Variants in CREB3L1 observed in about 807,000 individuals in gnomAD.
CREB3L1 encodes the protein cyclic AMP-responsive element-binding protein 3-like protein 1.
Under a neutral mutation model 54.5 loss-of-function variants are expected in CREB3L1, and 33 were observed. The observed-to-expected ratio is 0.61, with a 90% CI of 0.46 to 0.81. The LOEUF is 0.81. CREB3L1 is among the 30% of genes least tolerant of loss of function. The pLI, the probability that CREB3L1 is intolerant of heterozygous loss-of-function variation, is 0.00. For missense variants in CREB3L1, 656 were observed against 673.3 expected (o/e 0.97, Z 0.29); for synonymous variants, 284 against 286.4 (o/e 0.99, Z 0.08).
At chr11:46,301,662 CA>C (rs11293461) in intron 2 of CREB3L1, among the ~76,000 whole-genome samples, 30,966 of 138,880 alleles carry the variant, frequency 0.22, 3,304 homozygotes, top group African/African-American at 0.3. Flanking sequence ...GACTCCGTCC[CA>C]AAAAAAAAAA....
intron 8 of CREB3L1, chr11:46,316,025 C>A: frequency 2.5e-6 from 1 of 402,482 alleles, no homozygotes; most frequent in Non-Finnish European, 4.5e-6. Flanking sequence ...GCAGGCCTTC[C>A]CTCCTCCAAC....
intron 1 of CREB3L1, among the ~76,000 whole-genome samples, chr11:46,287,113 C>T (rs1189144893): frequency 6.6e-6 from 1 of 152,204 alleles, no homozygotes; most frequent in Admixed American, 6.5e-5. Context: ...GGGCCTCCCA[C>T]TTGTCACCTG....
intron 10 of CREB3L1, 25 bp from the exon 11 acceptor site, chr11:46,320,239 C>T (rs756675759): frequency 7.7e-6 from 12 of 1,558,078 alleles, no homozygotes; most frequent in African/African-American, 6.8e-5. Flanking sequence ...TTGGGCACAC[C>T]GCTCATCCTA....
In CREB3L1 at chr11:46,320,921, G is replaced by T; in HGVS notation, c.*175G>T. 1 of 742,218 alleles carries T rather than the reference G, an allele frequency of 1.3e-6. No individual in the cohort carries two copies. The highest frequency in any genetic ancestry group is 1.5e-5 in the South Asian group (1 of 67,550). 46.0% of individuals were successfully genotyped at this position (742,218 alleles called of 1,614,324 possible). On this transcript the variant is annotated 3_prime_UTR_variant, in exon 12 of 12. Coordinates refer to ENST00000621158, the MANE Select transcript of CREB3L1 (RefSeq NM_052854.4). ...GACATTTGGACTCTTCCCTTGGGCC[G>T]ACCACTCTGTTCTCATTCTCCTTCC... is the stretch of plus-strand genomic sequence containing the variant.
Position 46,307,819 on chromosome 11 carries a change from C to A in CREB3L1, c.335C>A (p.Ala112Glu). ...TGAGCCTTTCCCCTTCCCCTAGATG[C>A]AGAGCATGGAGCATGGGCGCTGGGA... ...PIKMEDTTQD[A>E]EHGAWALGHK... The change falls in exon 3 of 12, where the codon GCA (alanine) becomes GAA (glutamate). Residue 112 changes from alanine to glutamate, a missense_variant. Physicochemically the swap from Ala to Glu is moderately radical, Grantham distance 107 (BLOSUM62 -1). This residue lies in a region of CREB3L1 where 339 missense variants were observed against 331.5 expected (regional missense o/e 1.02). Transcript: ENST00000621158. The A allele has an allele frequency of 6.4e-7, 1 of 1,563,940 alleles. No homozygotes were observed. The highest frequency in any genetic ancestry group is 8.7e-7 in the Non-Finnish European group (1 of 1,154,656).
chr11:46,313,425 G>A (rs1195878267), intron 8 of CREB3L1, among the ~76,000 whole-genome samples: 3 of 152,118 alleles, frequency 2.0e-5, no homozygotes, highest in Non-Finnish European at 2.9e-5. Context: ...GGTGGCTCAC[G>A]CTTGTAATCT....
intron 5 of CREB3L1, 146 bp from the exon 6 acceptor site, chr11:46,312,179 A>C: frequency 1.5e-6 from 1 of 680,068 alleles, no homozygotes. Flanking sequence ...ACTGAATTTC[A>C]CCCAGATCCA....
At chr11:46,313,296 T>C (rs1939517911) in intron 8 of CREB3L1, among the ~76,000 whole-genome samples, 1 of 152,144 alleles carries the variant, frequency 6.6e-6, no homozygotes, top group Admixed American at 6.6e-5. Context: ...TCCACGTAAT[T>C]AGGTTGCACC....
At chr11:46,294,196 G>A (rs534965659) in intron 1 of CREB3L1, among the ~76,000 whole-genome samples, 5 of 152,148 alleles carry the variant, frequency 3.3e-5, no homozygotes, top group Non-Finnish European at 7.3e-5. Context: ...TGACCAGTTC[G>A]GTAGGGGAAA....
At chr11:46,310,119 G>A in intron 4 of CREB3L1, 52 bp downstream of exon 4, 1 of 1,334,262 alleles carries the variant, frequency 7.5e-7, no homozygotes, top group Non-Finnish European at 1.1e-6. Context: ...TAGGCAGATA[G>A]CATCCCCACT....
rs112990625 is a variant in CREB3L1, at chr11:46,306,255, C to T, written c.332-1561C>T. ...TTTGGGCCAGGTGCAATAGCTCATGCCTGTAATCCCAGCACTTCAGGAGGC... is the reference window on the plus strand; with the variant it reads ...TTTGGGCCAGGTGCAATAGCTCATGTCTGTAATCCCAGCACTTCAGGAGGC... On this transcript the variant is annotated intron_variant, in intron 2 of 11. Transcript: ENST00000621158. Among the ~76,000 whole-genome samples the T allele has an allele frequency of 7.0e-3, 1,065 of 152,274 alleles. 9 individuals are homozygous for T. The highest frequency in any genetic ancestry group is 0.014 in the Middle Eastern group (4 of 294).
intron 1 of CREB3L1, among the ~76,000 whole-genome samples, chr11:46,286,837 G>T (rs914569939): frequency 6.6e-5 from 10 of 152,056 alleles, no homozygotes; most frequent in African/African-American, 2.4e-4. Flanking sequence ...AAAGAAGAAA[G>T]AAAAAGAAAA....
chr11:46,313,807 C>G (rs1939526306), intron 8 of CREB3L1, among the ~76,000 whole-genome samples: 1 of 152,226 alleles, frequency 6.6e-6, no homozygotes, highest in Non-Finnish European at 1.5e-5. Context: ...GACAGCAGGA[C>G]AGTGCCTGGC....
intron 2 of CREB3L1, among the ~76,000 whole-genome samples, chr11:46,305,097 C>T (rs1014958103): frequency 4.6e-5 from 7 of 152,290 alleles, no homozygotes; most frequent in African/African-American, 1.7e-4. Context: ...CCAGAGTCCC[C>T]TCCAGCCCTG....
chr11:46,285,047 T>C (rs1939036306), intron 1 of CREB3L1, among the ~76,000 whole-genome samples: 1 of 152,196 alleles, frequency 6.6e-6, no homozygotes, highest in Non-Finnish European at 1.5e-5. Context: ...ATCTTTGCTC[T>C]CTGCAGCTCC....
intron 2 of CREB3L1, among the ~76,000 whole-genome samples, chr11:46,306,234 G>A (rs991159786): frequency 6.6e-6 from 1 of 152,120 alleles, no homozygotes; most frequent in Non-Finnish European, 1.5e-5. Flanking sequence ...TGCAAATTTG[G>A]GCCAGGTGCA....
At chr11:46,302,858 G>A (rs953338277) in intron 2 of CREB3L1, among the ~76,000 whole-genome samples, 1 of 152,170 alleles carries the variant, frequency 6.6e-6, no homozygotes. Flanking sequence ...GCGTGCGCCT[G>A]TAATTCCAGT....
In CREB3L1 at chr11:46,278,776, G is replaced by T. The variant is rs1430795800; in HGVS notation, c.102+563G>T. Among the ~76,000 whole-genome samples, 3 of 152,192 alleles carry T rather than the reference G, an allele frequency of 2.0e-5. No homozygotes were observed. The highest frequency in any genetic ancestry group is 6.5e-5 in the Admixed American group (1 of 15,288). On this transcript the variant is annotated intron_variant, in intron 1 of 11. Coordinates refer to ENST00000621158, the MANE Select transcript of CREB3L1 (RefSeq NM_052854.4). This position sits in a 1 kb window ranked among gnomAD's most constrained non-coding sequence, Gnocchi z 4.2. The stretch of plus-strand genomic sequence containing the variant: ...CTGAGGCTGGGGGCTGGGAAGAGGC[G>T]GTCAGGGCAACATAGGGTGATGGCT...
At chr11:46,290,904 C>T (rs1190771597) in intron 1 of CREB3L1, among the ~76,000 whole-genome samples, 2 of 152,158 alleles carry the variant, frequency 1.3e-5, no homozygotes, top group African/African-American at 4.8e-5. Flanking sequence ...AGCTTCTCTG[C>T]TCTGTGATGT....
Sources: allele counts gnomAD v4.1 joint callset (sites outside exome capture counted in the v4.1 genomes callset), GRCh38; gene constraint gnomAD v4.1.1; regional missense constraint gnomAD v4.1.1; non-coding constraint Gnocchi (gnomAD v3.1); transcripts MANE v1.5; gene names NCBI Gene and HGNC (gene_info 2026-07-23, HGNC 2026-07-21).